GPR183: variants seen among roughly 807,000 people sequenced by gnomAD.
GPR183 encodes EBV-induced G-protein coupled receptor 2.
A neutral mutation model predicts 19.7 loss-of-function variants in GPR183; 9 were observed. The observed-to-expected ratio is 0.46, with a 90% CI of 0.28 to 0.80. The LOEUF (loss-of-function observed/expected upper bound fraction) is 0.80, where lower values mean the gene tolerates loss of function less well. Ranked by LOEUF, GPR183 falls within the 30% of genes least tolerant of loss-of-function variation. GPR183 has a pLI of 0.13. For synonymous variants in GPR183, 160 were observed against 155.1 expected, an observed-to-expected ratio of 1.03 and a Z score of -0.24; for missense variants, 368 against 446.7, an observed-to-expected ratio of 0.82 and a Z score of 1.59.
At position 99,295,584 on chromosome 13, in the gene GPR183, C is replaced by T; in HGVS notation, c.562G>A (p.Glu188Lys). 2 of 1,613,990 alleles carry T rather than the reference C, an allele frequency of 1.2e-6. No homozygotes were observed. Among genetic ancestry groups the T allele is most frequent in the South Asian group, 1.1e-5 (1 of 91,080 alleles). ...ATCCAGGGAAGAGATTTAGTTTCTTCAAAGTTTGGATACTCCATGCATGTA... is the reference window on the plus strand; with the variant it reads ...ATCCAGGGAAGAGATTTAGTTTCTTTAAAGTTTGGATACTCCATGCATGTA... ...RITCMEYPNF[E>K]ETKSLPWILL... The change falls in exon 2 of 2, where the codon GAA becomes AAA. Residue 188 changes from glutamate (E) to lysine (K), a missense_variant. Physicochemically the swap from Glu to Lys is moderately conservative, Grantham distance 56. Transcript: ENST00000376414. This position sits in a 1 kb window ranked among gnomAD's most constrained non-coding sequence, Gnocchi z 4.1.
chr13:99,295,150 A>G lies in GPR183; in HGVS notation c.996T>C (p.Ser332=), dbSNP rs1594097534. The part of the protein sequence containing the change: ...MLKRQVSVSI[S]SAVKSAPEEN... ...CTTCAGGGGCTGACTTCACAGCACT[A>G]GAAATCGATACACTGACTTGCCGTT... is the stretch of plus-strand genomic sequence containing the variant. Residue 332 remains serine, a synonymous_variant, in exon 2 of 2, where the codon TCT becomes TCC. Transcript: ENST00000376414. The surrounding 1 kb of genome is among the most constrained non-coding windows in gnomAD (Gnocchi z 4.1). 1.2e-6 allele frequency: 2 copies of G among 1,614,180 alleles called. No individual in the cohort carries two copies. Among genetic ancestry groups the G allele is most frequent in the Non-Finnish European group, 1.7e-6 (2 of 1,180,004 alleles).
intron 1 of GPR183, among the ~76,000 whole-genome samples, chr13:99,305,708 T>G (rs1453094311): frequency 6.6e-6 from 1 of 152,202 alleles, no homozygotes; most frequent in African/African-American, 2.4e-5. Context: ...TCATTACCAT[T>G]GTCACTAACG....
rs758791519 is a variant in GPR183, at chr13:99,295,901, G to A, written c.245C>T (p.Thr82Ile). 1.9e-6 allele frequency: 3 copies of A among 1,613,162 alleles called. No homozygotes were observed. The highest frequency in any genetic ancestry group is 2.7e-5 in the African/African-American group (2 of 74,980). The change falls in exon 2 of 2, where the codon ACC becomes ATC. Residue 82 changes from threonine to isoleucine, a missense_variant. By Grantham distance (89) the Thr-to-Ile change is moderately conservative. Transcript: ENST00000376414. This position sits in a 1 kb window ranked among gnomAD's most constrained non-coding sequence, Gnocchi z 4.1. ...NLVISDILFTTALPTRIAYYA... is the reference protein window; with the variant it reads ...NLVISDILFTIALPTRIAYYA... ...GTAGGCTATTCGTGTAGGCAAAGCG[G>A]TGGTAAAAAGTATATCAGAAATCAC...
rs767517085 is a variant in GPR183 at position 99,295,424 on chromosome 13, T to C, written c.722A>G (p.Lys241Arg). 1 of 1,614,088 alleles carries C rather than the reference T, an allele frequency of 6.2e-7. No homozygotes were observed. The highest frequency in any genetic ancestry group is 2.2e-5 in the East Asian group (1 of 44,884). Residue 241 changes from lysine to arginine, a missense_variant, in exon 2 of 2, where the codon AAG (lysine) becomes AGG (arginine). By Grantham distance (26) the Lys-to-Arg change is conservative. Coordinates refer to ENST00000376414, the MANE Select transcript of GPR183 (RefSeq NM_004951.5). The surrounding 1 kb of genome is among the most constrained non-coding windows in gnomAD (Gnocchi z 4.1). ...PLTEKSGVNK[K>R]ALNTIILIIV... ...AATAAGAATAATTGTGTTGAGAGCC[T>C]TTTTGTTTACACCAGATTTCTCAGT...
chr13:99,295,024 C>T lies in GPR183; in HGVS notation c.*36G>A, dbSNP rs1745681482. ...GGGAAGTCCTGCAAAGTTTGTCATA[C>T]AGTTTACGTCACTATAAACCAAAAT... On this transcript the variant is annotated 3_prime_UTR_variant, in exon 2 of 2. Transcript: ENST00000376414. This position sits in a 1 kb window ranked among gnomAD's most constrained non-coding sequence, Gnocchi z 4.1. The T allele has an allele frequency of 1.3e-6, 2 of 1,565,350 alleles. No individual in the cohort carries two copies. Among genetic ancestry groups the T allele is most frequent in the Non-Finnish European group, 1.7e-6 (2 of 1,157,322 alleles).
In GPR183 at chr13:99,295,162, A is replaced by G; in HGVS notation, c.984T>C (p.Ser328=). The G allele has an allele frequency of 1.2e-6, 2 of 1,614,184 alleles. No homozygotes were observed. Among genetic ancestry groups the G allele is most frequent in the Non-Finnish European group, 1.7e-6 (2 of 1,180,018 alleles). ...KVMRMLKRQV[S]VSISSAVKSA... is the part of the protein sequence containing the mutation. Reference sequence around the variant, plus strand: ...ACTTCACAGCACTAGAAATCGATACACTGACTTGCCGTTTCAGCATCCTCA... The same window carrying G: ...ACTTCACAGCACTAGAAATCGATACGCTGACTTGCCGTTTCAGCATCCTCA... The change falls in exon 2 of 2, where the codon AGT becomes AGC. Residue 328 remains serine, a synonymous_variant. Coordinates refer to ENST00000376414, the MANE Select transcript of GPR183 (RefSeq NM_004951.5). This position sits in a 1 kb window ranked among gnomAD's most constrained non-coding sequence, Gnocchi z 4.1.
At chr13:99,299,697 G>A (rs942344602) in intron 1 of GPR183, among the ~76,000 whole-genome samples, 9 of 152,116 alleles carry the variant, frequency 5.9e-5, no homozygotes, top group East Asian at 1.9e-4. Flanking sequence ...AAAGCTTGCT[G>A]TTCAGTGTTC....
chr13:99,301,139 C>A (rs1419635159), intron 1 of GPR183, among the ~76,000 whole-genome samples: 2 of 152,170 alleles, frequency 1.3e-5, no homozygotes, highest in South Asian at 4.1e-4. Context: ...TGAAAAGATG[C>A]ACGTGGCCCC....
Position 99,295,900 on chromosome 13 carries a change from G to A in GPR183, c.246C>T (p.Thr82=), listed in dbSNP as rs1042263. 18 of 1,612,988 alleles carry A rather than the reference G, an allele frequency of 1.1e-5. No homozygotes were observed. The highest frequency in any genetic ancestry group is 1.6e-4 in the Middle Eastern group (1 of 6,078). Reference sequence around the variant, plus strand: ...AGTAGGCTATTCGTGTAGGCAAAGCGGTGGTAAAAAGTATATCAGAAATCA... The same window carrying A: ...AGTAGGCTATTCGTGTAGGCAAAGCAGTGGTAAAAAGTATATCAGAAATCA... ...NLVISDILFT[T]ALPTRIAYYA... The change falls in exon 2 of 2, where the codon ACC becomes ACT. Residue 82 remains threonine (T), a synonymous_variant. Coordinates refer to ENST00000376414, the MANE Select transcript of GPR183 (RefSeq NM_004951.5). This position sits in a 1 kb window ranked among gnomAD's most constrained non-coding sequence, Gnocchi z 4.1.
At chr13:99,307,199 T>C (rs1345050955) in intron 1 of GPR183, 141 bp downstream of exon 1, 1 of 152,212 alleles carries the variant, frequency 6.6e-6, no homozygotes, top group African/African-American at 2.4e-5. Flanking sequence ...AAACTTACAT[T>C]ATTAATATAA....
At chr13:99,302,104 C>T (rs1275425153) in intron 1 of GPR183, among the ~76,000 whole-genome samples, 1 of 152,128 alleles carries the variant, frequency 6.6e-6, no homozygotes, top group Non-Finnish European at 1.5e-5. Context: ...TCAATGTGCC[C>T]ACAGTGGATG....
intron 1 of GPR183, among the ~76,000 whole-genome samples, chr13:99,303,279 T>C (rs1927728): frequency 0.25 from 38,047 of 152,232 alleles, 5,965 homozygotes; most frequent in Non-Finnish European, 0.35. Context: ...ATATGTGTCC[T>C]GAACCCAGTG....
rs776154558 is a variant in GPR183 at position 99,296,119 on chromosome 13, A to G, written c.27T>C (p.Phe9=). 6.2e-7 allele frequency: 1 copy of G among 1,603,106 alleles called. No homozygotes were observed. The part of the protein sequence containing the change: MDIQMANN[F]TPPSATPQGN... ...CCTGAGGAGTTGCAGAGGGCGGAGT[A>G]AAATTGTTTGCCATTTGTATATCCA... The change falls in exon 2 of 2, where the codon TTT becomes TTC. Residue 9 remains phenylalanine (F), a synonymous_variant. Coordinates refer to ENST00000376414, the MANE Select transcript of GPR183 (RefSeq NM_004951.5).
At chr13:99,300,202 G>A (rs1178305308) in intron 1 of GPR183, among the ~76,000 whole-genome samples, 3 of 152,236 alleles carry the variant, frequency 2.0e-5, no homozygotes, top group Non-Finnish European at 4.4e-5. Context: ...GAGCTCCAAG[G>A]GTAGCCTGTT....
chr13:99,305,442 C>T (rs1215954412), intron 1 of GPR183, among the ~76,000 whole-genome samples: 1 of 152,178 alleles, frequency 6.6e-6, no homozygotes, highest in Non-Finnish European at 1.5e-5. Context: ...AGAAAAGTAT[C>T]CCTGTAAACG....
chr13:99,299,575 T>C (rs1414790501), intron 1 of GPR183, among the ~76,000 whole-genome samples: 2 of 152,218 alleles, frequency 1.3e-5, no homozygotes, highest in African/African-American at 4.8e-5. Context: ...CTATTCAGAA[T>C]GTTCATTTCT....
chr13:99,303,074 C>T (rs2044280229), intron 1 of GPR183, among the ~76,000 whole-genome samples: 1 of 152,134 alleles, frequency 6.6e-6, no homozygotes, highest in Admixed American at 6.5e-5. Flanking sequence ...TTAGTAGAGG[C>T]AGCCTTATTG....
rs948500245 is a variant in GPR183, at chr13:99,298,628, A to T, written c.-18-2465T>A. Among the ~76,000 whole-genome samples, 3 of 152,210 alleles carry T rather than the reference A, an allele frequency of 2.0e-5. No individual in the cohort carries two copies. The South Asian group carries it at 6.2e-4, about 32-fold the overall frequency. On this transcript the variant is annotated intron_variant, in intron 1 of 1. Coordinates refer to ENST00000376414, the MANE Select transcript of GPR183 (RefSeq NM_004951.5). The stretch of plus-strand genomic sequence containing the variant: ...GCAAGTGGAAGAAAACAATAGAGAT[A>T]ACTGCAGAAATTAATGAAATATAAA...
In GPR183 at chr13:99,294,831, C is replaced by T. The variant is rs921457135; in HGVS notation, c.*229G>A. 10 of 392,566 alleles carry T rather than the reference C, an allele frequency of 2.5e-5. No homozygotes were observed. The highest frequency in any genetic ancestry group is 1.3e-4 in the East Asian group (3 of 22,868). 24.3% of individuals were successfully genotyped at this position (392,566 alleles called of 1,614,324 possible). ...TAAGAGCGCCTCCTTTTGGTGTATT[C>T]GTTTACAAATAAAAATGAAATATTT... On this transcript the variant is annotated 3_prime_UTR_variant, in exon 2 of 2. Transcript: ENST00000376414.
Sources: allele counts gnomAD v4.1 joint callset (sites outside exome capture counted in the v4.1 genomes callset), GRCh38; gene constraint gnomAD v4.1.1; non-coding constraint Gnocchi (gnomAD v3.1); transcripts MANE v1.5; gene names NCBI Gene and HGNC (gene_info 2026-07-23, HGNC 2026-07-21).